Variants in BUB1 observed in about 807,000 individuals in gnomAD.
The protein encoded by BUB1 is BUB1 mitotic checkpoint serine/threonine kinase.
Under a neutral mutation model 135.2 loss-of-function variants are expected in BUB1, and 84 were observed. The observed-to-expected ratio is 0.62, with a 90% confidence interval of 0.52 to 0.74. The LOEUF (loss-of-function observed/expected upper bound fraction) is 0.74, where lower values mean the gene tolerates loss of function less well. Ranked by LOEUF, BUB1 falls within the 30% of genes least tolerant of loss-of-function variation. BUB1 has a pLI of 0.00. For synonymous variants in BUB1, 403 were observed against 434.4 expected (o/e 0.93, Z 0.90); for missense variants, 1,162 against 1,288.3 (o/e 0.90, Z 1.50).
Position 110,649,322 on chromosome 2 carries a change from C to T in BUB1, c.2259G>A (p.Gly753=). ...GATAGGAACTCACTGGTTTAGAAAG[C>T]CCAGATAAAAGTTTGAAAATCAGCT... ...DDKLIFKLLS[G]LSKPVSSYPN... Residue 753 remains glycine, a synonymous_variant, in exon 19 of 25, where the codon GGG becomes GGA. Transcript: ENST00000302759. 10 of 1,607,402 alleles carry T rather than the reference C, an allele frequency of 6.2e-6. 1 individual carries two copies. Among genetic ancestry groups the T allele is most frequent in the Non-Finnish European group, 8.5e-6 (10 of 1,176,642 alleles).
intron 3 of BUB1, among the ~76,000 whole-genome samples, chr2:110,673,183 T>A (rs2104560117): frequency 6.6e-6 from 1 of 152,252 alleles, no homozygotes; most frequent in East Asian, 1.9e-4. Flanking sequence ...TCCTGGAGGG[T>A]GTCACACCTG....
chr2:110,641,494 T>A, intron 21 of BUB1, 30 bp from the exon 22 acceptor site: 1 of 1,586,228 alleles, frequency 6.3e-7, no homozygotes. Context: ...GAATCCTGAG[T>A]TAGTTGCACA....
Position 110,642,197 on chromosome 2 carries a change from T to G in BUB1, c.2385A>C (p.Glu795Asp), listed in dbSNP as rs746371172. The part of the protein sequence containing the change: ...KLVYVHHLLG[E>D]GAFAQVYEAT... ...CTTCGTACACCTGGGCAAAGGCTCCTTCTCCAAGAAGGTGATGGACATAGA... is the reference window on the plus strand; with the variant it reads ...CTTCGTACACCTGGGCAAAGGCTCCGTCTCCAAGAAGGTGATGGACATAGA... The change falls in exon 20 of 25, where the codon GAA becomes GAC. Residue 795 changes from glutamate (E) to aspartate (D), a missense_variant. Transcript: ENST00000302759. The G allele has an allele frequency of 6.2e-7, 1 of 1,613,706 alleles. No individual in the cohort carries two copies. The highest frequency in any genetic ancestry group is 1.1e-5 in the South Asian group (1 of 90,996).
At chr2:110,651,992 G>T (rs886564126) in intron 17 of BUB1, among the ~76,000 whole-genome samples, 1 of 151,712 alleles carries the variant, frequency 6.6e-6, no homozygotes, top group Admixed American at 6.6e-5. Context: ...ACATTTCTCA[G>T]AAAGTATCCC....
chr2:110,678,012 C>A lies in BUB1; in HGVS notation c.-17G>T. The stretch of plus-strand genomic sequence containing the variant: ...GGTGTCCATGGCCAGAGGACGCTGG[C>A]CGGCAGCGGCCAAACCTGAACCGCA... On this transcript the variant is annotated 5_prime_UTR_variant, in exon 1 of 25. Transcript: ENST00000302759. 1.2e-6 allele frequency: 2 copies of A among 1,601,974 alleles called. No individual in the cohort carries two copies. Among genetic ancestry groups the A allele is most frequent in the African/African-American group, 1.3e-5 (1 of 74,792 alleles).
intron 6 of BUB1, among the ~76,000 whole-genome samples, chr2:110,669,230 G>A (rs1431418739): frequency 2.0e-5 from 3 of 152,172 alleles, no homozygotes; most frequent in Non-Finnish European, 4.4e-5. Flanking sequence ...GAGGCCGTGT[G>A]GTGAGGGCCT....
chr2:110,639,609 C>T, intron 24 of BUB1, 133 bp downstream of exon 24: 1 of 712,070 alleles, frequency 1.4e-6, no homozygotes, highest in Non-Finnish European at 2.4e-6. Context: ...CCAGGACTGT[C>T]CTGTCACCAT....
chr2:110,646,837 G>A (rs1321953032), intron 19 of BUB1, among the ~76,000 whole-genome samples: 1 of 151,940 alleles, frequency 6.6e-6, no homozygotes, highest in African/African-American at 2.4e-5. Context: ...TAAGAAACTA[G>A]AAAAAAGAGC....
chr2:110,644,656 A>C (rs1469940398), intron 19 of BUB1, among the ~76,000 whole-genome samples: 4 of 152,170 alleles, frequency 2.6e-5, no homozygotes, highest in African/African-American at 9.7e-5. Flanking sequence ...GAAAATATTC[A>C]AAGAAGCAAG....
At chr2:110,643,554 A>T (rs1689560486) in intron 19 of BUB1, among the ~76,000 whole-genome samples, 1 of 152,206 alleles carries the variant, frequency 6.6e-6, no homozygotes, top group African/African-American at 2.4e-5. Context: ...ATAGTAAAAG[A>T]CAAAAATCAC....
intron 19 of BUB1, among the ~76,000 whole-genome samples, chr2:110,645,176 G>A (rs1000016162): frequency 1.3e-5 from 2 of 152,148 alleles, no homozygotes; most frequent in African/African-American, 4.8e-5. Context: ...GCTCACACTT[G>A]TAATCTCAGC....
chr2:110,669,260 G>C (rs1023993459), intron 6 of BUB1, among the ~76,000 whole-genome samples, 193 bp downstream of exon 6: 3 of 152,174 alleles, frequency 2.0e-5, no homozygotes, highest in African/African-American at 7.2e-5. Context: ...ACAACAAATT[G>C]TATTTGAGGT....
chr2:110,656,973 A>G (rs996120429), intron 15 of BUB1, 63 bp downstream of exon 15: 2 of 1,242,648 alleles, frequency 1.6e-6, no homozygotes, highest in Non-Finnish European at 2.3e-6. Flanking sequence ...TGGCATAATC[A>G]TTTGGTAGAA....
rs967455095 is a variant in BUB1, at chr2:110,673,969, G to C, written c.225+117C>G. ...AGAGAATGAACAGATTTTCCTCTCT[G>C]TATCTTCAGAACTAGAAACAAGGAA... On this transcript the variant is annotated intron_variant, in intron 3 of 24. Transcript: ENST00000302759. 5.1e-5 allele frequency: 43 copies of C among 849,074 alleles called. No homozygotes were observed. The Admixed American group carries it at 1.3e-3, about 25-fold the overall frequency. The allele number at this position is 849,074 out of a possible 1,614,324, so 52.6% of individuals were successfully genotyped here.
chr2:110,657,234 G>A, intron 14 of BUB1, 117 bp from the exon 15 acceptor site: 1 of 783,194 alleles, frequency 1.3e-6, no homozygotes, highest in Middle Eastern at 3.1e-4. Context: ...TCTTTATATA[G>A]ATATTCCTTG....
chr2:110,660,125 A>G, intron 10 of BUB1, 89 bp from the exon 11 acceptor site: 6 of 1,129,732 alleles, frequency 5.3e-6, no homozygotes, highest in Non-Finnish European at 7.8e-6. Flanking sequence ...TAATCCCAGC[A>G]CTTTGGGAGG....
At chr2:110,671,660 T>C (rs2104557949) in intron 4 of BUB1, among the ~76,000 whole-genome samples, 1 of 152,288 alleles carries the variant, frequency 6.6e-6, no homozygotes, top group East Asian at 1.9e-4. Context: ...TTTGACTCAA[T>C]AGTTTCAATT....
At chr2:110,639,988 C>T (rs1031418099) in intron 23 of BUB1, 140 bp from the exon 24 acceptor site, 9 of 742,830 alleles carry the variant, frequency 1.2e-5, no homozygotes, top group Admixed American at 2.0e-5. Context: ...TTTGTTCAAT[C>T]GCCCCACTAA....
chr2:110,658,856 C>A, intron 11 of BUB1, 114 bp from the exon 12 acceptor site: 2 of 1,339,112 alleles, frequency 1.5e-6, no homozygotes, highest in Non-Finnish European at 2.1e-6. Context: ...TAAAAATTAT[C>A]ACTAAGAATT....
Sources: gnomAD v4.1 joint callset for allele counts (sites outside exome capture counted in the v4.1 genomes callset) on GRCh38, gnomAD v4.1.1 for gene constraint, MANE v1.5 for transcripts, NCBI Gene and HGNC (gene_info 2026-07-23, HGNC 2026-07-21) for gene names.